The following CFAP46 variants were observed in gnomAD, a reference collection of about 807,000 sequenced individuals.
CFAP46 encodes the protein cilia- and flagella-associated protein 46.
In CFAP46, 245 loss-of-function variants were observed where a neutral mutation model predicts 325.7. That is an observed-to-expected ratio of 0.75 (90% confidence interval 0.68 to 0.84). The LOEUF is 0.84. CFAP46 is among the 40% of genes least tolerant of loss of function. The pLI is 0.00. For synonymous variants in CFAP46, 1,523 were observed against 1,495.9 expected (o/e 1.02, Z -0.42); for missense variants, 3,346 against 3,543.0 (o/e 0.94, Z 1.41).
At chr10:132,933,114 T>C (rs1403193681) in intron 8 of CFAP46, among the ~76,000 whole-genome samples, 3 of 152,226 alleles carry the variant, frequency 2.0e-5, no homozygotes, top group Non-Finnish European at 2.9e-5. Context: ...CAGTGTGGTG[T>C]GACCATCCTC....
intron 50 of CFAP46, among the ~76,000 whole-genome samples, chr10:132,821,346 CTGATGTGTGCTGTGTGT>C (rs1847818184): frequency 8.8e-6 from 1 of 113,390 alleles, no homozygotes; most frequent in African/African-American, 4.0e-5. Flanking sequence ...GTGCTGTGTG[CTGATGTGTGCTGTGTGT>C]GCTGTGTGCT....
rs1009204608 is a variant in CFAP46 at position 132,869,200 on chromosome 10, G to A, written c.4610+74C>T. Reference sequence around the variant, plus strand: ...GGAGTCCAGGGAAGAGGGTGGCCGCGCAGCTGGCTTTCACCTGGCCGCACC... The same window carrying A: ...GGAGTCCAGGGAAGAGGGTGGCCGCACAGCTGGCTTTCACCTGGCCGCACC... On this transcript the variant is annotated intron_variant, in intron 33 of 57. Transcript: ENST00000368586. This position sits in a 1 kb window ranked among gnomAD's most constrained non-coding sequence, Gnocchi z 6.2. The A allele has an allele frequency of 9.4e-6, 12 of 1,271,216 alleles. No individual in the cohort carries two copies. Among genetic ancestry groups the A allele is most frequent in the African/African-American group, 9.1e-5 (6 of 65,616 alleles). The allele number at this position is 1,271,216 out of a possible 1,614,324, so 78.7% of individuals were successfully genotyped here.
rs756773586 is a variant in CFAP46 at position 132,876,607 on chromosome 10, G to C, written c.4362+205C>G. 6.6e-6 allele frequency among the ~76,000 whole-genome samples: 1 copy of C among 152,198 alleles called. No individual in the cohort carries two copies. Among genetic ancestry groups the C allele is most frequent in the Non-Finnish European group, 1.5e-5 (1 of 68,046 alleles). ...TAGGTACGTGTTGGACTTGAGTGGGGAAAGAAGGAAGGCTTTCCTAAGTGT... is the reference window on the plus strand; with the variant it reads ...TAGGTACGTGTTGGACTTGAGTGGGCAAAGAAGGAAGGCTTTCCTAAGTGT... On this transcript the variant is annotated intron_variant, in intron 31 of 57. Coordinates refer to ENST00000368586, the MANE Select transcript of CFAP46 (RefSeq NM_001200049.3). This position sits in a 1 kb window ranked among gnomAD's most constrained non-coding sequence, Gnocchi z 4.1.
intron 27 of CFAP46, among the ~76,000 whole-genome samples, chr10:132,882,051 G>C (rs1171519072): frequency 1.3e-5 from 2 of 149,552 alleles, no homozygotes; most frequent in Admixed American, 6.7e-5. Context: ...GATGTGGGGG[G>C]TGTGTGGTGC....
intron 22 of CFAP46, among the ~76,000 whole-genome samples, chr10:132,900,753 T>G (rs185012594): frequency 2.6e-5 from 4 of 152,382 alleles, no homozygotes; most frequent in Admixed American, 6.5e-5. Context: ...ATCTGGGTTA[T>G]GCAGTTGTTG....
chr10:132,815,941 T>C (rs754981490), intron 50 of CFAP46, among the ~76,000 whole-genome samples: 8 of 152,204 alleles, frequency 5.3e-5, no homozygotes, highest in Non-Finnish European at 8.8e-5. Context: ...GGGAGATTTA[T>C]CTAACACTGA....
Position 132,913,246 on chromosome 10 carries a change from C to T in CFAP46, c.2133G>A (p.Glu711=). 1 of 1,550,292 alleles carries T rather than the reference C, an allele frequency of 6.5e-7. No homozygotes were observed. Among genetic ancestry groups the T allele is most frequent in the East Asian group, 2.4e-5 (1 of 40,904 alleles). ...TATTCATGGCACACCGGGACAGACTCTCGATCCAGGTTCTGCAAAACGAGC... is the reference window on the plus strand; with the variant it reads ...TATTCATGGCACACCGGGACAGACTTTCGATCCAGGTTCTGCAAAACGAGC... The part of the protein sequence containing the change: ...AEWITYRTWI[E]SLSRCAMNNW... The change falls in exon 18 of 58, where the codon GAG becomes GAA. Residue 711 remains glutamate, a synonymous_variant. Transcript: ENST00000368586.
chr10:132,836,116 TC>T, intron 46 of CFAP46, 25 bp downstream of exon 46: 1 of 1,332,208 alleles, frequency 7.5e-7, no homozygotes, highest in Non-Finnish European at 9.9e-7. Flanking sequence ...CTGCTCCCCC[TC>T]CCCCTCCCCT....
rs557906059 is a variant in CFAP46 at position 132,887,114 on chromosome 10, CCTCT to C, written c.3305-1159_3305-1156del. On this transcript the variant is annotated intron_variant, in intron 25 of 57. Coordinates refer to ENST00000368586, the MANE Select transcript of CFAP46 (RefSeq NM_001200049.3). ...CTCTCCTCTCCTCTCTCCTCTTTCACCTCTCTCTCTCCTCTCCTCTGTCCTCTCT... is the reference window on the plus strand; with the variant it reads ...CTCTCCTCTCCTCTCTCCTCTTTCACCTCTCTCCTCTCCTCTGTCCTCTCT... 3.1e-3 allele frequency among the ~76,000 whole-genome samples: 427 copies of C among 135,978 alleles called. 1 individual carries two copies. The highest frequency in any genetic ancestry group is 4.1e-3 in the African/African-American group (146 of 35,678). 89.2% of individuals were successfully genotyped at this position (135,978 alleles called of 152,430 possible).
intron 44 of CFAP46, among the ~76,000 whole-genome samples, chr10:132,843,411 T>C (rs1461714324): frequency 1.2e-4 from 17 of 146,858 alleles, no homozygotes; most frequent in Non-Finnish European, 1.9e-4. Context: ...TCTCGGTGGG[T>C]GTTCCCAGGG....
rs1849365100 is a variant in CFAP46, at chr10:132,899,528, C to T, written c.3056+7G>A. On this transcript the variant is annotated splice_region_variant and intron_variant, in intron 23 of 57. Transcript: ENST00000368586. Reference sequence around the variant, plus strand: ...AGAGCCCACCCCAGCCCCTTAGAGCCACACACCTGGCGCTCTCCGTGAAGG... The same window carrying T: ...AGAGCCCACCCCAGCCCCTTAGAGCTACACACCTGGCGCTCTCCGTGAAGG... 5.2e-6 allele frequency: 8 copies of T among 1,544,252 alleles called. No homozygotes were observed. The highest frequency in any genetic ancestry group is 7.0e-6 in the Non-Finnish European group (8 of 1,144,488).
chr10:132,814,838 A>G lies in CFAP46; in HGVS notation c.7188+6T>C. ...GCCCGATCCCCTATCACAGGCCCCC[A>G]CCCACCTTCCTGCCCTTCTTCGCTA... is the stretch of plus-strand genomic sequence containing the variant. On this transcript the variant is annotated splice_donor_region_variant and intron_variant, in intron 51 of 57. Transcript: ENST00000368586. 2 of 1,614,078 alleles carry G rather than the reference A, an allele frequency of 1.2e-6. No homozygotes were observed. The highest frequency in any genetic ancestry group is 1.7e-6 in the Non-Finnish European group (2 of 1,179,988).
chr10:132,912,579 C>CTCTCTCTTCCCCT (rs59161995), intron 19 of CFAP46, 76 bp downstream of exon 19: 65 of 1,316,738 alleles, frequency 4.9e-5, no homozygotes, highest in Admixed American at 2.6e-4. Flanking sequence ...TTTCACCTCT[C>CTCTCTCTTCCCCT]CTCTCCTCTC....
rs768362347 is a variant in CFAP46, at chr10:132,938,620, C to T, written c.505G>A (p.Glu169Lys). Residue 169 changes from glutamate (E) to lysine (K), a missense_variant, in exon 5 of 58, where the codon GAA becomes AAA. By Grantham distance (56) the Glu-to-Lys change is moderately conservative (BLOSUM62 1). Coordinates refer to ENST00000368586, the MANE Select transcript of CFAP46 (RefSeq NM_001200049.3). ...AGCTCAGCACGCCACTCCTTGTCTT[C>T]CTCCTCAGTCTGACTCAGCACGTTT... is the stretch of plus-strand genomic sequence containing the variant. ...IINVLSQTEE[E>K]DKEWRAELML... is the part of the protein sequence containing the mutation. 4.3e-6 allele frequency: 7 copies of T among 1,613,534 alleles called. No homozygotes were observed. The highest frequency in any genetic ancestry group is 5.1e-6 in the Non-Finnish European group (6 of 1,179,984).
At chr10:132,831,645 G>A (rs576666351) in intron 50 of CFAP46, among the ~76,000 whole-genome samples, 4 of 139,310 alleles carry the variant, frequency 2.9e-5, no homozygotes, top group Admixed American at 1.6e-4. Context: ...TGGGTTTCTT[G>A]GAGGAAGCAT....
At chr10:132,857,560 G>T in intron 39 of CFAP46, 30 bp downstream of exon 39, 1 of 1,602,450 alleles carries the variant, frequency 6.2e-7, no homozygotes, top group Non-Finnish European at 8.5e-7. Context: ...GAGTGACCCA[G>T]TGTGCACAGG....
At chr10:132,887,220 T>TTC in intron 25 of CFAP46, among the ~76,000 whole-genome samples, 1 of 65,388 alleles carries the variant, frequency 1.5e-5, no homozygotes. Context: ...CTCTCCCCTC[T>TTC]TCTCTCTCTC....
chr10:132,917,247 C>T (rs1254126219), intron 16 of CFAP46, among the ~76,000 whole-genome samples: 1 of 152,260 alleles, frequency 6.6e-6, no homozygotes, highest in African/African-American at 2.4e-5. Context: ...GGTGCCCTGT[C>T]CTCCAGGGCT....
rs533675442 is a variant in CFAP46, at chr10:132,915,646, T to C, written c.2120+903A>G. Among the ~76,000 whole-genome samples the C allele has an allele frequency of 7.7e-4, 118 of 152,292 alleles. 1 individual carries two copies. The highest frequency in any genetic ancestry group is 2.6e-3 in the African/African-American group (108 of 41,540). On this transcript the variant is annotated intron_variant, in intron 17 of 57. Transcript: ENST00000368586. ...AGGGACCGGCGAGGGCGGGGTGCCG[T>C]GCCCAGCTTCTGATGCATGGATAGT...
Sources: allele counts gnomAD v4.1 joint callset (sites outside exome capture counted in the v4.1 genomes callset), GRCh38; gene constraint gnomAD v4.1.1; non-coding constraint Gnocchi (gnomAD v3.1); transcripts MANE v1.5; gene names NCBI Gene and HGNC (gene_info 2026-07-23, HGNC 2026-07-21).